RYR2: variants seen among roughly 807,000 people sequenced by gnomAD.
RYR2 encodes the protein ryanodine receptor 2.
A neutral mutation model predicts 601.1 loss-of-function variants in RYR2; 227 were observed. That is an observed-to-expected ratio of 0.38 (90% CI 0.34 to 0.42). The LOEUF (loss-of-function observed/expected upper bound fraction) is 0.42, where lower values mean the gene tolerates loss of function less well. Among genes scored for constraint, RYR2 ranks in the 10% least tolerant of loss-of-function variants. RYR2 has a pLI of 1.00. For missense variants in RYR2, 4,646 were observed against 6,156.5 expected (o/e 0.75, Z 8.21); for synonymous variants, 2,223 against 2,175.1 (o/e 1.02, Z -0.61).
chr1:237,780,464 C>T (rs1695006666), intron 88 of RYR2, among the ~76,000 whole-genome samples: 1 of 152,108 alleles, frequency 6.6e-6, no homozygotes, highest in South Asian at 2.1e-4. Context: ...AACGTCTCAT[C>T]TTCCCAACAC....
At chr1:237,116,807 A>G (rs1670130133) in intron 1 of RYR2, among the ~76,000 whole-genome samples, 1 of 152,134 alleles carries the variant, frequency 6.6e-6, no homozygotes, top group Admixed American at 6.5e-5. Context: ...ACAAGGGGGC[A>G]GATTCCTTCC....
chr1:237,374,564 G>A (rs1700877923), intron 6 of RYR2, among the ~76,000 whole-genome samples, 153 bp from the exon 7 acceptor site: 1 of 152,106 alleles, frequency 6.6e-6, no homozygotes, highest in African/African-American at 2.4e-5. Flanking sequence ...AGGCTGAGGT[G>A]GGATGACTGC....
chr1:237,608,796 GTTTTTTTTTTTTTT>G (rs33945891), intron 35 of RYR2, among the ~76,000 whole-genome samples: 1 of 119,222 alleles, frequency 8.4e-6, no homozygotes, highest in African/African-American at 3.0e-5. Flanking sequence ...AGACTGACCT[GTTTTTTTTTTTTTT>G]TTTTTTTTTT....
intron 13 of RYR2, among the ~76,000 whole-genome samples, chr1:237,445,150 C>T (rs1708217868): frequency 6.6e-6 from 1 of 151,992 alleles, no homozygotes; most frequent in Non-Finnish European, 1.5e-5. Flanking sequence ...GAGTTCAAGA[C>T]CAGCCTGGGC....
intron 100 of RYR2, among the ~76,000 whole-genome samples, chr1:237,817,988 C>G (rs1662026306): frequency 6.6e-6 from 1 of 152,072 alleles, no homozygotes; most frequent in Non-Finnish European, 1.5e-5. Context: ...AAGCCTATTG[C>G]AAGAGAAGGA....
chr1:237,660,348 T>G (rs577520516), intron 55 of RYR2, among the ~76,000 whole-genome samples: 78 of 152,220 alleles, frequency 5.1e-4, no homozygotes, highest in Admixed American at 1.6e-3. Context: ...TTAAGTACTT[T>G]AAAAAATCTT....
chr1:237,193,167 C>CAAAAAA (rs58552588), intron 1 of RYR2, among the ~76,000 whole-genome samples: 4 of 37,418 alleles, frequency 1.1e-4, no homozygotes, highest in African/African-American at 2.7e-4. Flanking sequence ...GCTAAAAGTA[C>CAAAAAA]AAAAAAAAAA....
At chr1:237,250,100 G>A (rs1384141967) in intron 1 of RYR2, among the ~76,000 whole-genome samples, 2 of 152,186 alleles carry the variant, frequency 1.3e-5, no homozygotes, top group Non-Finnish European at 2.9e-5. Flanking sequence ...ACTAATCTGT[G>A]TGAAGGTAAA....
rs192853420 is a variant in RYR2 at position 237,640,650 on chromosome 1, T to A, written c.7116-247T>A. Among the ~76,000 whole-genome samples the A allele has an allele frequency of 8.1e-4, 124 of 152,336 alleles. 1 individual carries two copies. Among genetic ancestry groups the A allele is most frequent in the African/African-American group, 2.8e-3 (116 of 41,576 alleles). ...CCATCAAATAAGCAGTTCCTCCTTT[T>A]CCCCTCAAAGGAATCTTAATACTAA... On this transcript the variant is annotated intron_variant, in intron 46 of 104. Coordinates refer to ENST00000366574, the MANE Select transcript of RYR2 (RefSeq NM_001035.3).
At chr1:237,449,542 A>G (rs1323713374) in intron 14 of RYR2, among the ~76,000 whole-genome samples, 1 of 152,106 alleles carries the variant, frequency 6.6e-6, no homozygotes, top group Non-Finnish European at 1.5e-5. Context: ...ATATTTGCAC[A>G]TGTAGTTATC....
At chr1:237,634,514 A>G (rs1367973193) in intron 43 of RYR2, among the ~76,000 whole-genome samples, 1 of 152,206 alleles carries the variant, frequency 6.6e-6, no homozygotes. Flanking sequence ...GATAGAAGGA[A>G]TAAGTTCAAA....
chr1:237,218,320 G>A (rs1281226678), intron 1 of RYR2, among the ~76,000 whole-genome samples: 1 of 152,090 alleles, frequency 6.6e-6, no homozygotes, highest in East Asian at 1.9e-4. Flanking sequence ...CATTGTAGAT[G>A]GATTGAGGAA....
chr1:237,461,768 A>G (rs1225839891), intron 16 of RYR2, among the ~76,000 whole-genome samples: 1 of 151,068 alleles, frequency 6.6e-6, no homozygotes, highest in Non-Finnish European at 1.5e-5. Flanking sequence ...GCAAATGAAG[A>G]GAATCTCTTC....
intron 57 of RYR2, among the ~76,000 whole-genome samples, chr1:237,667,418 A>C (rs1225623163): frequency 6.6e-6 from 1 of 152,194 alleles, no homozygotes; most frequent in East Asian, 1.9e-4. Context: ...CAAAACCCAA[A>C]AGGTCACAGA....
chr1:237,654,231 G>A (rs1238963428), intron 51 of RYR2, 43 bp from the exon 52 acceptor site: 3 of 1,600,454 alleles, frequency 1.9e-6, no homozygotes, highest in South Asian at 2.3e-5. Flanking sequence ...AAATATAAAA[G>A]GTTTTGATAG....
At chr1:237,400,600 T>C (rs1289824088) in intron 10 of RYR2, among the ~76,000 whole-genome samples, 1 of 152,086 alleles carries the variant, frequency 6.6e-6, no homozygotes, top group Non-Finnish European at 1.5e-5. Flanking sequence ...AGACTCAAAG[T>C]TGGAAATAGT....
chr1:237,262,120 G>A (rs1317076048), intron 1 of RYR2, among the ~76,000 whole-genome samples: 1 of 151,662 alleles, frequency 6.6e-6, no homozygotes, highest in Non-Finnish European at 1.5e-5. Flanking sequence ...ATTCTGTACT[G>A]TTCCAGCAGA....
chr1:237,654,117 C>T (rs537055416), intron 51 of RYR2, among the ~76,000 whole-genome samples, 157 bp from the exon 52 acceptor site: 10 of 152,070 alleles, frequency 6.6e-5, no homozygotes, highest in African/African-American at 2.2e-4. Context: ...GTAGTATACA[C>T]GGTGATAGTA....
chr1:237,627,345 G>T (rs1304394460), intron 40 of RYR2, among the ~76,000 whole-genome samples: 2 of 152,204 alleles, frequency 1.3e-5, no homozygotes, highest in Admixed American at 6.5e-5. Context: ...GTAGTCACTA[G>T]TGCAAATGAC....
Sources: gnomAD v4.1 joint callset for allele counts (sites outside exome capture counted in the v4.1 genomes callset) on GRCh38, gnomAD v4.1.1 for gene constraint, MANE v1.5 for transcripts, NCBI Gene and HGNC (gene_info 2026-07-23, HGNC 2026-07-21) for gene names.